The following ATG10 variants were observed in gnomAD, a reference collection of about 807,000 sequenced individuals.
ATG10 encodes the protein ubiquitin-like-conjugating enzyme ATG10.
In ATG10, 30 loss-of-function variants were observed where a neutral mutation model predicts 32.1. That is an observed-to-expected ratio of 0.94 (90% CI 0.70 to 1.27). The LOEUF (loss-of-function observed/expected upper bound fraction) is 1.27, where lower values mean the gene tolerates loss of function less well. Among genes scored for constraint, ATG10 ranks in the 50% most tolerant of loss-of-function variants. The probability of loss-of-function intolerance (pLI) is 0.00; values close to 1 mark genes in which losing one functional copy is unlikely to be tolerated. For synonymous variants in ATG10, 87 were observed against 91.5 expected (o/e 0.95, Z 0.28); for missense variants, 233 against 262.3 (o/e 0.89, Z 0.77).
intron 2 of ATG10, among the ~76,000 whole-genome samples, chr5:82,050,257 T>C (rs1763369698): frequency 6.6e-6 from 1 of 152,094 alleles, no homozygotes. Context: ...CTATTGATGA[T>C]GAATAATCCC....
chr5:82,234,074 A>T (rs2150009852), intron 5 of ATG10, among the ~76,000 whole-genome samples: 1 of 152,268 alleles, frequency 6.6e-6, no homozygotes, highest in South Asian at 2.1e-4. Context: ...ATGGAAGATA[A>T]GGGCGATTTT....
intron 3 of ATG10, among the ~76,000 whole-genome samples, chr5:82,154,464 C>A (rs1216453889): frequency 6.6e-6 from 1 of 152,156 alleles, no homozygotes; most frequent in East Asian, 1.9e-4. Context: ...CTCATTTAAT[C>A]ACAAGGGAAA....
intron 5 of ATG10, among the ~76,000 whole-genome samples, chr5:82,186,580 CTTT>C (rs1744450576): frequency 2.8e-5 from 4 of 142,332 alleles, no homozygotes; most frequent in Admixed American, 2.3e-4. Flanking sequence ...GGTCAGGGTA[CTTT>C]CCATATTCAT....
intron 3 of ATG10, among the ~76,000 whole-genome samples, chr5:82,158,379 T>C (rs1269235522): frequency 6.7e-6 from 1 of 148,582 alleles, no homozygotes; most frequent in Middle Eastern, 3.4e-3. Context: ...GTGGGTTCCG[T>C]ATCCATGGAT....
At chr5:82,229,292 A>C (rs969228681) in intron 5 of ATG10, among the ~76,000 whole-genome samples, 2 of 152,212 alleles carry the variant, frequency 1.3e-5, no homozygotes, top group Non-Finnish European at 2.9e-5. Context: ...AGGAAAGAAT[A>C]AATGAGCCTC....
intron 5 of ATG10, among the ~76,000 whole-genome samples, chr5:82,219,985 G>A (rs1328659963): frequency 1.3e-5 from 2 of 152,150 alleles, no homozygotes; most frequent in Non-Finnish European, 2.9e-5. Flanking sequence ...ACAAGCAATT[G>A]CAAAACAGTA....
chr5:82,241,779 A>AT, intron 5 of ATG10, among the ~76,000 whole-genome samples: 1 of 151,544 alleles, frequency 6.6e-6, no homozygotes, highest in East Asian at 1.9e-4. Flanking sequence ...ATATATTAAA[A>AT]TTTTTTTTCT....
At chr5:82,158,646 G>C (rs556938433) in intron 3 of ATG10, among the ~76,000 whole-genome samples, 1 of 151,968 alleles carries the variant, frequency 6.6e-6, no homozygotes. Context: ...TCCTCAGGGT[G>C]GGGGGGTTCT....
intron 3 of ATG10, among the ~76,000 whole-genome samples, chr5:82,093,246 A>G (rs1293134699): frequency 6.6e-6 from 1 of 152,188 alleles, no homozygotes; most frequent in Non-Finnish European, 1.5e-5. Context: ...CACATATATT[A>G]GGCCACTGGA....
intron 3 of ATG10, among the ~76,000 whole-genome samples, chr5:82,117,095 A>G (rs1405661672): frequency 2.0e-5 from 3 of 152,054 alleles, no homozygotes; most frequent in Non-Finnish European, 2.9e-5. Context: ...ACAACTTACT[A>G]TATGTTCTTA....
At chr5:82,090,693 G>T (rs1410864830) in intron 3 of ATG10, among the ~76,000 whole-genome samples, 4 of 152,134 alleles carry the variant, frequency 2.6e-5, no homozygotes. Flanking sequence ...CTGTATCAGT[G>T]TATCAGTGCA....
chr5:82,157,562 CAA>C (rs1417619144), intron 3 of ATG10, among the ~76,000 whole-genome samples: 7 of 152,132 alleles, frequency 4.6e-5, no homozygotes, highest in South Asian at 4.1e-4. Flanking sequence ...ACAAACAAAA[CAA>C]GAGCTGATTA....
chr5:82,130,664 G>A (rs1356783973), intron 3 of ATG10, among the ~76,000 whole-genome samples: 4 of 152,042 alleles, frequency 2.6e-5, no homozygotes, highest in East Asian at 1.9e-4. Context: ...CTAGCCCTCC[G>A]TGGGCTGCAC....
At chr5:82,231,764 T>C (rs187827310) in intron 5 of ATG10, among the ~76,000 whole-genome samples, 1 of 152,312 alleles carries the variant, frequency 6.6e-6, no homozygotes, top group East Asian at 1.9e-4. Context: ...CTGGGAAATC[T>C]GCTTCTGGGT....
Position 81,972,073 on chromosome 5 carries a change from GCGGACCTGACTGAAGGAGGCCA to G in ATG10, c.-242_-221del, listed in dbSNP as rs1303575294. 4.0e-5 allele frequency: 6 copies of G among 151,822 alleles called. No homozygotes were observed. The highest frequency in any genetic ancestry group is 1.2e-4 in the African/African-American group (5 of 41,238). 9.4% of individuals were successfully genotyped at this position (151,822 alleles called of 1,614,324 possible). A position where few individuals can be genotyped will look rare whatever the true frequency, so the allele number is the denominator to read the frequency against. ...GTGGCGGACCTGACTGAAGGAGGCC[GCGGACCTGACTGAAGGAGGCCA>G]CGGCCACTTCTGGTTGGCCTCGGGG... On this transcript the variant is annotated 5_prime_UTR_variant, in exon 1 of 8. Transcript: ENST00000282185.
chr5:82,022,073 C>T (rs1266476041), intron 2 of ATG10, among the ~76,000 whole-genome samples: 2 of 150,328 alleles, frequency 1.3e-5, no homozygotes, highest in East Asian at 4.0e-4. Context: ...CCTGTAATCC[C>T]AGCTGCTCGG....
intron 3 of ATG10, among the ~76,000 whole-genome samples, chr5:82,090,708 A>G (rs1396064166): frequency 6.6e-6 from 1 of 152,152 alleles, no homozygotes; most frequent in African/African-American, 2.4e-5. Flanking sequence ...AGTGCACTGC[A>G]CTGTATCAGT....
chr5:82,042,246 G>GGA (rs138759142), intron 2 of ATG10, among the ~76,000 whole-genome samples: 2 of 151,502 alleles, frequency 1.3e-5, no homozygotes, highest in Non-Finnish European at 2.9e-5. Context: ...TAGTGCAGCA[G>GGA]GAGAGAGAGA....
chr5:82,091,292 A>G (rs1348005282), intron 3 of ATG10, among the ~76,000 whole-genome samples: 2 of 152,066 alleles, frequency 1.3e-5, no homozygotes, highest in African/African-American at 4.8e-5. Flanking sequence ...CTGGACTCCA[A>G]TTCCTGGCTT....
Sources: allele counts gnomAD v4.1 joint callset (sites outside exome capture counted in the v4.1 genomes callset), GRCh38; gene constraint gnomAD v4.1.1; transcripts MANE v1.5; gene names NCBI Gene and HGNC (gene_info 2026-07-23, HGNC 2026-07-21).